COL5A3: variants seen among roughly 807,000 people sequenced by gnomAD.
The protein encoded by COL5A3 is collagen type V alpha 3 chain, also known as collagen alpha-3(V) chain.
Under a neutral mutation model 250.0 loss-of-function variants are expected in COL5A3, and 172 were observed. That is an observed-to-expected ratio of 0.69 (90% confidence interval 0.61 to 0.78). The LOEUF is 0.78. Ranked by LOEUF, COL5A3 falls within the 30% of genes least tolerant of loss-of-function variation. The pLI is 0.00. For synonymous variants in COL5A3, 937 were observed against 900.4 expected (o/e 1.04, Z -0.73); for missense variants, 2,340 against 2,334.4 (o/e 1.00, Z -0.05).
Position 9,969,858 on chromosome 19 carries a change from G to A in COL5A3, c.3990+11C>T. ...AGTGCAGGGACCCTTCCCCTTGCCA[G>A]GGGGACTCACCTTGGCACCTTTCTC... On this transcript the variant is annotated intron_variant, in intron 55 of 66. Transcript: ENST00000264828. 1 of 1,613,494 alleles carries A rather than the reference G, an allele frequency of 6.2e-7. No homozygotes were observed. Among genetic ancestry groups the A allele is most frequent in the East Asian group, 2.2e-5 (1 of 44,852 alleles).
chr19:9,981,506 A>C (rs11669376), intron 32 of COL5A3, among the ~76,000 whole-genome samples: 3 of 152,266 alleles, frequency 2.0e-5, no homozygotes, highest in African/African-American at 7.2e-5. Flanking sequence ...ACACATGTAT[A>C]CCCACTGTAA....
At position 9,971,185 on chromosome 19, in the gene COL5A3, G is replaced by C. The variant is rs778906579; in HGVS notation, c.3828+20C>G. The C allele has an allele frequency of 1.3e-6, 2 of 1,547,144 alleles. No individual in the cohort carries two copies. Among genetic ancestry groups the C allele is most frequent in the Admixed American group, 2.2e-5 (1 of 44,800 alleles). ...CAGAATTAGGAAATATGCCAGGATT[G>C]GGGAGGGGGTCACACTCACTGAAAC... On this transcript the variant is annotated intron_variant, in intron 52 of 66. Coordinates refer to ENST00000264828, the MANE Select transcript of COL5A3 (RefSeq NM_015719.4).
intron 8 of COL5A3, 105 bp from the exon 9 acceptor site, chr19:9,998,254 A>C: frequency 9.0e-7 from 1 of 1,106,114 alleles, no homozygotes. Context: ...ACACACACAC[A>C]CACGGAGTCC....
In COL5A3 at chr19:9,960,243, G is replaced by GC; in HGVS notation, c.*167dup. Reference sequence around the variant, plus strand: ...TGGACCCTTGGGCCAGGGAACCCCAGCCCCCAGCACCCTGGAAAGGAGAAG... The same window carrying GC: ...TGGACCCTTGGGCCAGGGAACCCCAGCCCCCCAGCACCCTGGAAAGGAGAAG... On this transcript the variant is annotated 3_prime_UTR_variant, in exon 67 of 67. Coordinates refer to ENST00000264828, the MANE Select transcript of COL5A3 (RefSeq NM_015719.4). The GC allele has an allele frequency of 1.2e-6, 1 of 834,530 alleles. No individual in the cohort carries two copies. Among genetic ancestry groups the GC allele is most frequent in the South Asian group, 1.8e-5 (1 of 56,814 alleles). The allele number at this position is 834,530 out of a possible 1,614,324, so 51.7% of individuals were successfully genotyped here. A position where few individuals can be genotyped will look rare whatever the true frequency, so the allele number is the denominator to read the frequency against.
In COL5A3 at chr19:9,960,870, G is replaced by A. The variant is rs201892356; in HGVS notation, c.4872C>T (p.Asp1624=). Residue 1624 remains aspartate (D), a synonymous_variant, in exon 66 of 67, where the codon GAC becomes GAT. Transcript: ENST00000264828. ...GCTGCACGACATTCACTGGGGACCC[G>A]TCGGCGTCCACGTAGGAGAACTGGT... ...RGKKFSYVDA[D]GSPVNVVQLN... The A allele has an allele frequency of 2.6e-5, 41 of 1,607,472 alleles. No homozygotes were observed. Among genetic ancestry groups the A allele is most frequent in the South Asian group, 2.5e-4 (23 of 91,072 alleles).
intron 65 of COL5A3, 100 bp from the exon 66 acceptor site, chr19:9,960,990 C>G (rs991905718): frequency 1.4e-6 from 2 of 1,441,084 alleles, no homozygotes; most frequent in Non-Finnish European, 1.9e-6. Flanking sequence ...ACAAGCCACC[C>G]CCCCCATGTC....
chr19:9,961,807 C>G (rs1429864465), intron 65 of COL5A3, among the ~76,000 whole-genome samples: 1 of 152,266 alleles, frequency 6.6e-6, no homozygotes, highest in African/African-American at 2.4e-5. Flanking sequence ...ATCCGCCCAC[C>G]TTGGCCTCCC....
rs895600793 is a variant in COL5A3 at position 9,997,404 on chromosome 19, G to A, written c.1230C>T (p.Gly410=). The change falls in exon 11 of 67, where the codon GGC becomes GGT. Residue 410 remains glycine (G), a synonymous_variant. Coordinates refer to ENST00000264828, the MANE Select transcript of COL5A3 (RefSeq NM_015719.4). ...CAGGGTCGCCAGGGAATCCTGGGGG[G>A]CCGGGAGGGCCTGAGGGGCCAACCA... The part of the protein sequence containing the change: ...QGVVGPSGPP[G]PPGFPGDPGP... 5 of 1,609,782 alleles carry A rather than the reference G, an allele frequency of 3.1e-6. No homozygotes were observed. Among genetic ancestry groups the A allele is most frequent in the Non-Finnish European group, 4.2e-6 (5 of 1,178,514 alleles).
intron 43 of COL5A3, 40 bp from the exon 44 acceptor site, chr19:9,977,322 C>T (rs772347920): frequency 6.2e-7 from 1 of 1,612,954 alleles, no homozygotes; most frequent in Admixed American, 1.7e-5. Flanking sequence ...CTTCCATTCA[C>T]CCCCATCCTC....
Position 10,003,697 on chromosome 19 carries a change from T to C in COL5A3, c.717A>G (p.Pro239=), listed in dbSNP as rs2087396455. The stretch of plus-strand genomic sequence containing the variant: ...CCTTCCGCCGAGGACGAGGGGTTTC[T>C]GGTTCACCCTGGGGAGCCTGGGAGA... ...PAATVAPQGE[P]ETPRPRRKGK... Residue 239 remains proline (P), a synonymous_variant, in exon 6 of 67, where the codon CCA becomes CCG. Transcript: ENST00000264828. The C allele has an allele frequency of 5.6e-6, 9 of 1,614,016 alleles. No individual in the cohort carries two copies. Among genetic ancestry groups the C allele is most frequent in the Non-Finnish European group, 7.6e-6 (9 of 1,180,038 alleles).
chr19:9,978,823 C>G, intron 40 of COL5A3, 68 bp downstream of exon 40: 1 of 920,634 alleles, frequency 1.1e-6, no homozygotes, highest in South Asian at 2.3e-5. Context: ...TATTCCCCAT[C>G]CCTCCCCTGA....
At position 9,969,382 on chromosome 19, in the gene COL5A3, T is replaced by A; in HGVS notation, c.4119A>T (p.Gly1373=). 1.9e-6 allele frequency: 3 copies of A among 1,607,116 alleles called. No homozygotes were observed. The highest frequency in any genetic ancestry group is 1.7e-6 in the Non-Finnish European group (2 of 1,177,416). The change falls in exon 57 of 67, where the codon GGA becomes GGT. Residue 1373 remains glycine, a synonymous_variant. Coordinates refer to ENST00000264828, the MANE Select transcript of COL5A3 (RefSeq NM_015719.4). ...PGPVGEPGLL[G]APGQMGPPGP... ...CAGGAGGGCCCATCTGTCCAGGGGC[T>A]CCCAGGAGGCCTGGTTCACCCTGAG... is the stretch of plus-strand genomic sequence containing the variant.
intron 13 of COL5A3, 22 bp downstream of exon 13, chr19:9,996,411 T>G: frequency 1.2e-6 from 2 of 1,612,478 alleles, no homozygotes; most frequent in Non-Finnish European, 1.7e-6. Flanking sequence ...TTCCTCCCAC[T>G]ATGTCCACAC....
At chr19:9,987,087 G>T (rs182264059) in intron 27 of COL5A3, among the ~76,000 whole-genome samples, 1 of 152,296 alleles carries the variant, frequency 6.6e-6, no homozygotes, top group East Asian at 1.9e-4. Context: ...AAAGGCAAAG[G>T]AATGTTCCCC....
chr19:9,979,170 G>T lies in COL5A3; in HGVS notation c.2836C>A (p.Gln946Lys). Residue 946 changes from glutamine (Q) to lysine (K), a missense_variant, in exon 39 of 67, where the codon CAA becomes AAA. Transcript: ENST00000264828. ...CTGCCTTCCAGGCCAGGAAGACCTT[G>T]TTCACCAGGAGGTCCAGGGGGGCCT... ...PPGPPGPPGE[Q>K]GLPGLEGREG... 6.2e-7 allele frequency: 1 copy of T among 1,600,892 alleles called. No homozygotes were observed. The highest frequency in any genetic ancestry group is 8.5e-7 in the Non-Finnish European group (1 of 1,176,422).
intron 64 of COL5A3, among the ~76,000 whole-genome samples, chr19:9,963,922 A>C (rs1382704575): frequency 6.6e-6 from 1 of 152,016 alleles, no homozygotes; most frequent in African/African-American, 2.4e-5. Flanking sequence ...TAATCTCAGC[A>C]CTTTGGGAGG....
chr19:10,004,147 T>C lies in COL5A3; in HGVS notation c.595-2A>G. 2 of 1,610,494 alleles carry C rather than the reference T, an allele frequency of 1.2e-6. No homozygotes were observed. The highest frequency in any genetic ancestry group is 1.1e-5 in the South Asian group (1 of 91,018). On this transcript the variant is annotated splice_acceptor_variant, in intron 4 of 66. Coordinates refer to ENST00000264828, the MANE Select transcript of COL5A3 (RefSeq NM_015719.4). LOFTEE classifies it high-confidence loss of function. Reference sequence around the variant, plus strand: ...TATCAGCAGCTCCTGAATGTCTCCCTGGGGGTTGGGGGTGTAGGAGTCAAG... The same window carrying C: ...TATCAGCAGCTCCTGAATGTCTCCCCGGGGGTTGGGGGTGTAGGAGTCAAG...
At chr19:9,972,108 CTCAT>C (rs1693286301) in intron 51 of COL5A3, among the ~76,000 whole-genome samples, 1 of 152,210 alleles carries the variant, frequency 6.6e-6, no homozygotes. Flanking sequence ...CATTCGGCCA[CTCAT>C]TCATTCATCC....
intron 6 of COL5A3, 22 bp from the exon 7 acceptor site, chr19:10,001,903 C>G (rs754670449): frequency 2.0e-5 from 32 of 1,573,428 alleles, no homozygotes; most frequent in Non-Finnish European, 2.8e-5. Flanking sequence ...ATGGAGGGAG[C>G]CTTGGGTCTC....
Sources: allele counts gnomAD v4.1 joint callset (sites outside exome capture counted in the v4.1 genomes callset), GRCh38; gene constraint gnomAD v4.1.1; transcripts MANE v1.5; gene names NCBI Gene and HGNC (gene_info 2026-07-23, HGNC 2026-07-21).